The following ARHGAP6 variants were observed in gnomAD, a reference collection of about 807,000 sequenced individuals.
ARHGAP6 encodes Rho GTPase activating protein 6.
ARHGAP6 carries 16 observed loss-of-function variants against 55.7 expected under a neutral mutation model. That is an observed-to-expected ratio of 0.29 (90% CI 0.19 to 0.44). The LOEUF (loss-of-function observed/expected upper bound fraction) is 0.44. Ranked by LOEUF, ARHGAP6 falls within the 20% of genes least tolerant of loss-of-function variation. ARHGAP6 has a pLI of 1.00. For missense variants in ARHGAP6, 698 were observed against 808.9 expected (o/e 0.86, Z 1.66); for synonymous variants, 382 against 360.9 (o/e 1.06, Z -0.66).
intron 1 of ARHGAP6, among the ~76,000 whole-genome samples, chrX:11,408,019 T>C (rs1051148373): frequency 2.3e-4 from 26 of 111,704 alleles, no homozygotes; most frequent in African/African-American, 7.8e-4. Context: ...GATGAAATGC[T>C]ATTCAACAAA....
rs781056450 is a variant in ARHGAP6 at position 11,514,415 on chromosome X, G to A, written c.588+149826C>T. Reference sequence around the variant, plus strand: ...ATTTTGGCCTGGATAATTCATTGTCGTGGGGGAATATCCTCTCGGGATATC... The same window carrying A: ...ATTTTGGCCTGGATAATTCATTGTCATGGGGGAATATCCTCTCGGGATATC... On this transcript the variant is annotated intron_variant, in intron 1 of 12. Transcript: ENST00000337414. Among the ~76,000 whole-genome samples the A allele has an allele frequency of 2.3e-3, 249 of 110,017 alleles. 1 individual carries two copies. Among genetic ancestry groups the A allele is most frequent in the Admixed American group, 3.6e-3 (37 of 10,260 alleles).
intron 1 of ARHGAP6, among the ~76,000 whole-genome samples, chrX:11,361,178 A>T (rs1424529880): frequency 1.0e-4 from 11 of 108,200 alleles, no homozygotes; most frequent in African/African-American, 3.4e-4. Flanking sequence ...GGAACCAAAA[A>T]AGAGCCCGCA....
At chrX:11,298,839 GTGCACCCCA>G (rs1569291878) in intron 1 of ARHGAP6, 1 of 1,208,200 alleles carries the variant, frequency 8.3e-7, no homozygotes, top group African/African-American at 1.8e-5. Context: ...CCAGCCACCT[GTGCACCCCA>G]TGCAGCCCCT....
chrX:11,257,864 A>G (rs185599155), intron 1 of ARHGAP6, among the ~76,000 whole-genome samples: 13 of 112,054 alleles, frequency 1.2e-4, no homozygotes, highest in Admixed American at 1.9e-4. Flanking sequence ...TAGTGTTTCA[A>G]TGGAGGCTTG....
intron 1 of ARHGAP6, among the ~76,000 whole-genome samples, chrX:11,577,171 G>C (rs893254570): frequency 8.9e-6 from 1 of 112,319 alleles, no homozygotes; most frequent in African/African-American, 3.2e-5. Context: ...TAAGAGAACA[G>C]ATTCACAAGT....
intron 1 of ARHGAP6, among the ~76,000 whole-genome samples, chrX:11,500,689 A>C (rs1375116592): frequency 2.8e-5 from 3 of 108,576 alleles, no homozygotes; most frequent in Non-Finnish European, 5.7e-5. Context: ...AAAAAAGAAG[A>C]AGCAAAGAGA....
intron 1 of ARHGAP6, among the ~76,000 whole-genome samples, chrX:11,560,917 T>C (rs143241640): frequency 1.2e-3 from 139 of 112,494 alleles, no homozygotes; most frequent in African/African-American, 4.1e-3. Context: ...AAGCACTTTC[T>C]GCAGGCCAGT....
At chrX:11,362,171 C>T (rs918314857) in intron 1 of ARHGAP6, among the ~76,000 whole-genome samples, 2 of 111,661 alleles carry the variant, frequency 1.8e-5, no homozygotes, top group South Asian at 3.8e-4. Context: ...ACCCAAAGGA[C>T]TATAAATCAT....
At chrX:11,621,602 A>T (rs1378865719) in intron 1 of ARHGAP6, among the ~76,000 whole-genome samples, 4 of 112,049 alleles carry the variant, frequency 3.6e-5, no homozygotes, top group African/African-American at 1.3e-4. Flanking sequence ...CAGCAAAAAG[A>T]GAAAAAGTAA....
chrX:11,450,218 G>C (rs2147806691), intron 1 of ARHGAP6, among the ~76,000 whole-genome samples: 1 of 109,929 alleles, frequency 9.1e-6, no homozygotes, highest in Admixed American at 9.7e-5. Context: ...GTGTGTGTGT[G>C]TGTGTGTGTG....
At chrX:11,605,898 G>T (rs1363607559) in intron 1 of ARHGAP6, among the ~76,000 whole-genome samples, 4 of 110,179 alleles carry the variant, frequency 3.6e-5, no homozygotes, top group African/African-American at 1.3e-4. Flanking sequence ...AAGAGAGTAT[G>T]AGCTATATGA....
chrX:11,550,894 T>G (rs924716066), intron 1 of ARHGAP6, among the ~76,000 whole-genome samples: 14 of 111,774 alleles, frequency 1.3e-4, no homozygotes, highest in African/African-American at 4.2e-4. Context: ...GTGGACTCAT[T>G]GGTGTGGTGA....
chrX:11,237,066 C>T (rs2047212770), intron 2 of ARHGAP6, among the ~76,000 whole-genome samples: 1 of 112,731 alleles, frequency 8.9e-6, no homozygotes, highest in East Asian at 2.8e-4. Flanking sequence ...TCCAGGCAAT[C>T]ATGGGGAATG....
chrX:11,521,897 G>A (rs1316508344), intron 1 of ARHGAP6, among the ~76,000 whole-genome samples: 1 of 111,320 alleles, frequency 9.0e-6, no homozygotes, highest in Admixed American at 9.6e-5. Flanking sequence ...TGGATTCCTA[G>A]GTATTTTATT....
chrX:11,591,269 C>T (rs2051830743), intron 1 of ARHGAP6, among the ~76,000 whole-genome samples: 1 of 109,202 alleles, frequency 9.2e-6, no homozygotes, highest in Admixed American at 9.8e-5. Context: ...ATTGTTATCC[C>T]ACATACAGAT....
chrX:11,465,836 T>C (rs1351845207), intron 1 of ARHGAP6, among the ~76,000 whole-genome samples: 1 of 112,053 alleles, frequency 8.9e-6, no homozygotes, highest in Non-Finnish European at 1.9e-5. Context: ...GGCTACCACG[T>C]TGGATAGCAC....
intron 1 of ARHGAP6, among the ~76,000 whole-genome samples, chrX:11,293,857 A>G (rs1237030770): frequency 8.9e-6 from 1 of 112,508 alleles, no homozygotes; most frequent in Admixed American, 9.4e-5. Context: ...CAAACAAACA[A>G]AAAACAAATT....
chrX:11,174,566 CTTCCTTCCTTTCTTTCTTTCTTTCTT>C (rs2046148967), intron 8 of ARHGAP6, among the ~76,000 whole-genome samples: 2 of 77,434 alleles, frequency 2.6e-5, no homozygotes, highest in African/African-American at 1.1e-4. Flanking sequence ...TCCTTCCTTC[CTTCCTTCCTTTCTTTCTTTCTTTCTT>C]TTTCTTTCTT....
chrX:11,215,288 C>T (rs1265866), intron 2 of ARHGAP6, among the ~76,000 whole-genome samples: 2,834 of 112,912 alleles, frequency 0.025, 35 homozygotes, highest in Non-Finnish European at 0.038. Flanking sequence ...CCTCTGTCAT[C>T]CCACAGCTCT....
Sources: allele counts gnomAD v4.1 joint callset (sites outside exome capture counted in the v4.1 genomes callset), GRCh38; gene constraint gnomAD v4.1.1; transcripts MANE v1.5; gene names NCBI Gene and HGNC (gene_info 2026-07-23, HGNC 2026-07-21).